Variants in ZBBX observed in about 807,000 individuals in gnomAD.
ZBBX encodes the protein zinc finger B-box domain containing.
ZBBX carries 101 observed loss-of-function variants against 108.5 expected under a neutral mutation model. The ratio of observed to expected loss-of-function variants is 0.93; its 90% CI spans 0.79 to 1.10. The LOEUF (loss-of-function observed/expected upper bound fraction) is 1.10, where lower values mean the gene tolerates loss of function less well. ZBBX is among the 50% of genes least tolerant of loss of function. The probability of loss-of-function intolerance (pLI) is 0.00; values close to 1 mark genes in which losing one functional copy is unlikely to be tolerated. For missense variants in ZBBX, 1,009 were observed against 941.4 expected (o/e 1.07, Z -0.94); for synonymous variants, 356 against 323.4 (o/e 1.10, Z -1.08).
At chr3:167,402,842 T>C (rs538394505) in intron 1 of ZBBX, among the ~76,000 whole-genome samples, 46 of 151,234 alleles carry the variant, frequency 3.0e-4, no homozygotes, top group African/African-American at 1.1e-3. Flanking sequence ...AAATGGTTAG[T>C]GACCTTGAAG....
Position 167,315,311 on chromosome 3 carries a change from G to A in ZBBX, c.1274+439C>T, listed in dbSNP as rs544533344. 3.9e-5 allele frequency among the ~76,000 whole-genome samples: 6 copies of A among 152,218 alleles called. No individual in the cohort carries two copies. The East Asian group carries it at 9.6e-4, about 24-fold the overall frequency. On this transcript the variant is annotated intron_variant, in intron 15 of 21. Transcript: ENST00000675490. Reference sequence around the variant, plus strand: ...TTTATTATACGTTAAAATCTACCTAGGAAGTAATCTATAGTACAGGAGCTC... The same window carrying A: ...TTTATTATACGTTAAAATCTACCTAAGAAGTAATCTATAGTACAGGAGCTC...
intron 18 of ZBBX, among the ~76,000 whole-genome samples, chr3:167,290,657 G>A (rs1208016064): frequency 6.6e-6 from 1 of 152,078 alleles, no homozygotes; most frequent in African/African-American, 2.4e-5. Flanking sequence ...CTCCTCCAAA[G>A]GATCACAACT....
chr3:167,180,461 T>C, the ZBBX span, among the ~76,000 whole-genome samples: 1 of 152,222 alleles, frequency 6.6e-6, no homozygotes, highest in Non-Finnish European at 1.5e-5. Context: ...TAAGGAGTAG[T>C]AGTCTGAATT....
chr3:167,259,909 A>AT (rs1724178358), intron 20 of ZBBX, among the ~76,000 whole-genome samples: 1 of 151,804 alleles, frequency 6.6e-6, no homozygotes, highest in African/African-American at 2.4e-5. Flanking sequence ...TTTAACTTGT[A>AT]TTTTTGTTTT....
downstream of ZBBX, among the ~76,000 whole-genome samples, chr3:167,237,474 T>C (rs1720277667): frequency 6.6e-6 from 1 of 151,886 alleles, no homozygotes; most frequent in South Asian, 2.1e-4. Flanking sequence ...ATTAGTAATA[T>C]GGCTGAGGTT....
At chr3:167,210,224 A>C in the ZBBX span, among the ~76,000 whole-genome samples, 1 of 152,218 alleles carries the variant, frequency 6.6e-6, no homozygotes, top group Non-Finnish European at 1.5e-5. Context: ...TAAAAGAATC[A>C]AGCAGAAATT....
chr3:167,354,152 T>C (rs1447317064), intron 8 of ZBBX, among the ~76,000 whole-genome samples: 1 of 151,950 alleles, frequency 6.6e-6, no homozygotes, highest in African/African-American at 2.4e-5. Context: ...AATTGTTGAA[T>C]ATCTTGTGTT....
intron 16 of ZBBX, among the ~76,000 whole-genome samples, chr3:167,308,318 G>A (rs1286244283): frequency 8.5e-5 from 13 of 152,090 alleles, no homozygotes; most frequent in Admixed American, 7.2e-4. Context: ...AACAGATGCT[G>A]GTGAGGTTGT....
intron 20 of ZBBX, among the ~76,000 whole-genome samples, chr3:167,264,455 C>T (rs939637474): frequency 1.3e-5 from 2 of 152,172 alleles, no homozygotes; most frequent in Non-Finnish European, 2.9e-5. Context: ...CAACTTAACA[C>T]TGATTACATA....
chr3:167,228,143 C>T, the ZBBX span, among the ~76,000 whole-genome samples: 1 of 151,748 alleles, frequency 6.6e-6, no homozygotes, highest in African/African-American at 2.4e-5. Flanking sequence ...AAAATTCTTT[C>T]ATTTGTTCAG....
rs530893088 is a variant in ZBBX, at chr3:167,305,728, G to A, written c.1640C>T (p.Ser547Phe). ...TTCCAAGGATTCTTTGATGTCTTGA[G>A]ATAATTTCTCCTCAATGGGAGCTTT... Reference protein sequence around the residue: ...LEKAPIEEKLSQDIKESLELS... With the variant: ...LEKAPIEEKLFQDIKESLELS... The change falls in exon 17 of 22, where the codon TCT (serine) becomes TTT (phenylalanine). Residue 547 changes from serine (S) to phenylalanine (F), a missense_variant. By Grantham distance (155) the Ser-to-Phe change is radical. Coordinates refer to ENST00000675490, the MANE Select transcript of ZBBX (RefSeq NM_001199201.2). The A allele has an allele frequency of 1.2e-6, 2 of 1,612,132 alleles. No homozygotes were observed. The highest frequency in any genetic ancestry group is 2.7e-5 in the African/African-American group (2 of 74,998).
chr3:167,263,972 C>G (rs1434402723), intron 20 of ZBBX, among the ~76,000 whole-genome samples: 1 of 152,062 alleles, frequency 6.6e-6, no homozygotes, highest in Non-Finnish European at 1.5e-5. Context: ...ATATAATGAC[C>G]TTCTTCTTAC....
At chr3:167,351,724 G>A (rs1204627740) in intron 8 of ZBBX, among the ~76,000 whole-genome samples, 2 of 152,114 alleles carry the variant, frequency 1.3e-5, no homozygotes, top group African/African-American at 4.8e-5. Context: ...GCCATTCCTG[G>A]AGCCCATACC....
chr3:167,383,700 A>C (rs1446769907), upstream of ZBBX, among the ~76,000 whole-genome samples: 1 of 152,124 alleles, frequency 6.6e-6, no homozygotes, highest in Non-Finnish European at 1.5e-5. Flanking sequence ...TGCAATGTGC[A>C]GTGTCTTCCA....
chr3:167,267,655 T>C (rs1268015006), intron 20 of ZBBX, among the ~76,000 whole-genome samples: 3 of 152,188 alleles, frequency 2.0e-5, no homozygotes, highest in African/African-American at 7.2e-5. Context: ...GGATGTAATG[T>C]ATCAACTCCT....
chr3:167,315,162 T>C (rs1216458336), intron 15 of ZBBX, among the ~76,000 whole-genome samples: 1 of 152,178 alleles, frequency 6.6e-6, no homozygotes, highest in African/African-American at 2.4e-5. Context: ...TCCTGAAGTT[T>C]CAACAGCAGA....
chr3:167,235,324 A>C (rs1275408958), downstream of ZBBX, among the ~76,000 whole-genome samples: 1 of 151,670 alleles, frequency 6.6e-6, no homozygotes, highest in Non-Finnish European at 1.5e-5. Context: ...AATGAATAAC[A>C]ACAAAATGTT....
At chr3:167,394,830 T>C (rs1748180450) in intron 1 of ZBBX, among the ~76,000 whole-genome samples, 1 of 152,100 alleles carries the variant, frequency 6.6e-6, no homozygotes, top group Non-Finnish European at 1.5e-5. Context: ...AATTCTGATT[T>C]AGTCGATCCG....
chr3:167,381,638 C>T (rs1747730965), upstream of ZBBX, among the ~76,000 whole-genome samples: 1 of 152,138 alleles, frequency 6.6e-6, no homozygotes, highest in Non-Finnish European at 1.5e-5. Flanking sequence ...ATTTCCCATA[C>T]AGGCGCGCTC....
Sources: gnomAD v4.1 joint callset for allele counts (sites outside exome capture counted in the v4.1 genomes callset) on GRCh38, gnomAD v4.1.1 for gene constraint, MANE v1.5 for transcripts, NCBI Gene and HGNC (gene_info 2026-07-23, HGNC 2026-07-21) for gene names.